The following TAB2 variants were observed in gnomAD, a reference collection of about 807,000 sequenced individuals.
TAB2 encodes TGF-beta-activated kinase 1 and MAP3K7-binding protein 2.
A neutral mutation model predicts 65.0 loss-of-function variants in TAB2; 3 were observed. That is an observed-to-expected ratio of 0.05 (90% confidence interval 0.02 to 0.12). The LOEUF (loss-of-function observed/expected upper bound fraction) is 0.12. TAB2 is among the 10% of genes least tolerant of loss of function. The pLI, the probability that TAB2 is intolerant of heterozygous loss-of-function variation, is 1.00. For missense variants in TAB2, 623 were observed against 840.3 expected, an observed-to-expected ratio of 0.74 and a Z score of 3.20; for synonymous variants, 298 against 285.1, an observed-to-expected ratio of 1.05 and a Z score of -0.46.
At chr6:149,402,121 AAAC>A (rs1211440643) in intron 6 of TAB2, among the ~76,000 whole-genome samples, 2 of 152,078 alleles carry the variant, frequency 1.3e-5, no homozygotes, top group Non-Finnish European at 2.9e-5. Flanking sequence ...GAGAATTTAG[AAAC>A]AACAGAAAAA....
intron 1 of TAB2, among the ~76,000 whole-genome samples, chr6:149,324,441 C>A (rs1779540847): frequency 2.6e-5 from 4 of 152,062 alleles, no homozygotes; most frequent in Admixed American, 2.6e-4. Context: ...GTTTTACTCT[C>A]ACATTGATAT....
rs377150853 is a variant in TAB2, at chr6:149,378,376, A to G, written c.461A>G (p.His154Arg). The G allele has an allele frequency of 1.2e-6, 2 of 1,614,224 alleles. No homozygotes were observed. Among genetic ancestry groups the G allele is most frequent in the Non-Finnish European group, 1.7e-6 (2 of 1,180,042 alleles). Residue 154 changes from histidine (H) to arginine (R), a missense_variant, in exon 3 of 7, where the codon CAT (histidine) becomes CGT (arginine). Physicochemically the swap from His to Arg is conservative, Grantham distance 29. This residue lies in a region of TAB2 where 550 missense variants were observed against 665.7 expected (regional missense o/e 0.83). Transcript: ENST00000637181. ...SSSGASNSAP[H>R]LGFHLGSKGT... ...TCTGGTGCTTCAAATTCAGCACCAC[A>G]TCTTGGATTTCACTTAGGCAGCAAA...
intron 1 of TAB2, among the ~76,000 whole-genome samples, chr6:149,308,039 G>T (rs989421920): frequency 6.6e-6 from 1 of 152,106 alleles, no homozygotes; most frequent in Admixed American, 6.5e-5. Flanking sequence ...TCATGTCAAT[G>T]TATATAGATC....
intron 1 of TAB2, among the ~76,000 whole-genome samples, chr6:149,301,820 C>A (rs917618638): frequency 6.6e-6 from 1 of 152,110 alleles, no homozygotes; most frequent in Non-Finnish European, 1.5e-5. Context: ...CAAAATAAAT[C>A]ACTTTTATAA....
chr6:149,397,458 T>G (rs1782211208), intron 3 of TAB2, 146 bp from the exon 4 acceptor site: 2 of 973,998 alleles, frequency 2.1e-6, no homozygotes, highest in Non-Finnish European at 3.1e-6. Flanking sequence ...AAAAAAAAAT[T>G]GAAATTTTAA....
chr6:149,253,964 AAGAAAGAAAGAAAGAAAGAAAG>A (rs1777923111), intron 1 of TAB2, among the ~76,000 whole-genome samples: 42 of 83,302 alleles, frequency 5.0e-4, no homozygotes, highest in Non-Finnish European at 8.3e-4. Context: ...AAGAAAAAGA[AAGAAAGAAAGAAAGAAAGAAAG>A]AAAGAAAGAA....
rs1400259790 is a variant in TAB2, at chr6:149,397,764, C to T, written c.1764C>T (p.Ser588=). The change falls in exon 4 of 7, where the codon TCC becomes TCT. Residue 588 remains serine (S), a splice_region_variant and synonymous_variant. Transcript: ENST00000637181. ...CAAATTCTATATCCCAGATACCTTC[C>T]GTAAGTCTTTATGTAACTGTTGTGA... ...KRSNSISQIP[S]LEEMQQLRSC... is the part of the protein sequence containing the mutation. 11 of 1,612,836 alleles carry T rather than the reference C, an allele frequency of 6.8e-6. No individual in the cohort carries two copies. Among genetic ancestry groups the T allele is most frequent in the Non-Finnish European group, 6.8e-6 (8 of 1,179,982 alleles).
chr6:149,308,142 A>AT (rs1198852449), intron 1 of TAB2, among the ~76,000 whole-genome samples: 3 of 152,142 alleles, frequency 2.0e-5, no homozygotes, highest in Non-Finnish European at 4.4e-5. Context: ...GTTGTTTTCT[A>AT]TTTTTTTACT....
At chr6:149,296,149 C>T (rs1351327000) in intron 1 of TAB2, among the ~76,000 whole-genome samples, 2 of 152,216 alleles carry the variant, frequency 1.3e-5, no homozygotes, top group Admixed American at 6.5e-5. Context: ...AGTGAAGGAA[C>T]TTTGCTCAAG....
At chr6:149,247,345 T>A (rs1237101827) in intron 1 of TAB2, 1 of 152,264 alleles carries the variant, frequency 6.6e-6, no homozygotes, top group African/African-American at 2.4e-5. Flanking sequence ...TTTTGTTTAA[T>A]TCTTAAAACC....
At chr6:149,332,058 G>C (rs1435116103) in intron 1 of TAB2, among the ~76,000 whole-genome samples, 1 of 152,156 alleles carries the variant, frequency 6.6e-6, no homozygotes, top group Non-Finnish European at 1.5e-5. Flanking sequence ...GAGAATTCAA[G>C]GATGACAAGA....
chr6:149,355,399 C>T (rs1780622644), intron 1 of TAB2, among the ~76,000 whole-genome samples: 1 of 152,138 alleles, frequency 6.6e-6, no homozygotes, highest in Admixed American at 6.5e-5. Context: ...GGTGTGGTGG[C>T]TAATACCTGT....
At chr6:149,365,106 C>T (rs1324498128) in intron 1 of TAB2, among the ~76,000 whole-genome samples, 1 of 152,020 alleles carries the variant, frequency 6.6e-6, no homozygotes, top group Non-Finnish European at 1.5e-5. Flanking sequence ...AGTTTAGATG[C>T]CAGAACTTTA....
At chr6:149,264,244 G>C (rs573658865) in intron 1 of TAB2, among the ~76,000 whole-genome samples, 27 of 152,238 alleles carry the variant, frequency 1.8e-4, no homozygotes, top group Non-Finnish European at 8.8e-5. Context: ...CACTGTAAAG[G>C]GGCAATGTCT....
intron 1 of TAB2, among the ~76,000 whole-genome samples, chr6:149,363,934 CAG>C (rs900809182): frequency 1.3e-5 from 2 of 152,164 alleles, no homozygotes; most frequent in African/African-American, 4.8e-5. Context: ...TTTCCTAATT[CAG>C]AGACGAGACC....
intron 1 of TAB2, among the ~76,000 whole-genome samples, chr6:149,349,657 T>C (rs1229357719): frequency 2.0e-5 from 3 of 152,196 alleles, no homozygotes; most frequent in Non-Finnish European, 4.4e-5. Context: ...ATGTTCAAAT[T>C]GTTCTCTCAT....
At chr6:149,334,115 A>G (rs1168594520) in intron 1 of TAB2, among the ~76,000 whole-genome samples, 2 of 152,184 alleles carry the variant, frequency 1.3e-5, no homozygotes, top group Non-Finnish European at 2.9e-5. Flanking sequence ...TAAACTTTAT[A>G]ATCATTTTTG....
chr6:149,296,513 C>T (rs1778879388), intron 1 of TAB2, among the ~76,000 whole-genome samples: 1 of 152,100 alleles, frequency 6.6e-6, no homozygotes, highest in East Asian at 1.9e-4. Flanking sequence ...TTCAATATTT[C>T]AAGAAATGTT....
intron 1 of TAB2, among the ~76,000 whole-genome samples, chr6:149,336,275 T>C (rs1779932995): frequency 6.6e-6 from 1 of 152,220 alleles, no homozygotes; most frequent in African/African-American, 2.4e-5. Context: ...GGGTTCTTAA[T>C]TAAATAGGAG....
Sources: allele counts gnomAD v4.1 joint callset (sites outside exome capture counted in the v4.1 genomes callset), GRCh38; gene constraint gnomAD v4.1.1; regional missense constraint gnomAD v4.1.1; transcripts MANE v1.5; gene names NCBI Gene and HGNC (gene_info 2026-07-23, HGNC 2026-07-21).